The following WNK1 variants were observed in gnomAD, a reference collection of about 807,000 sequenced individuals.
The protein encoded by WNK1 is WNK lysine deficient protein kinase 1.
A neutral mutation model predicts 222.8 loss-of-function variants in WNK1; 38 were observed. That is an observed-to-expected ratio of 0.17 (90% CI 0.13 to 0.22). WNK1 has a LOEUF of 0.22. Ranked by LOEUF, WNK1 falls within the 10% of genes least tolerant of loss-of-function variation. The pLI is 1.00. For synonymous variants in WNK1, 1,090 were observed against 1,092.9 expected, an observed-to-expected ratio of 1.00 and a Z score of 0.05; for missense variants, 2,348 against 2,918.4, an observed-to-expected ratio of 0.80 and a Z score of 4.50.
intron 4 of WNK1, among the ~76,000 whole-genome samples, chr12:830,861 C>A (rs1461408550): frequency 6.6e-6 from 1 of 152,214 alleles, no homozygotes; most frequent in Non-Finnish European, 1.5e-5. Context: ...TCCATTGTTT[C>A]AAAAATGTCC....
intron 1 of WNK1, among the ~76,000 whole-genome samples, chr12:806,311 T>C (rs1007480051): frequency 2.0e-5 from 3 of 152,182 alleles, no homozygotes; most frequent in Non-Finnish European, 4.4e-5. Context: ...TGGGTTGTTT[T>C]TGGAAAGTAT....
chr12:785,865 A>G (rs969435909), intron 1 of WNK1, among the ~76,000 whole-genome samples: 1 of 152,162 alleles, frequency 6.6e-6, no homozygotes, highest in Non-Finnish European at 1.5e-5. Flanking sequence ...TGGGCACTGA[A>G]AACTGATAAA....
At chr12:860,418 A>T (rs1951115512) in intron 6 of WNK1, among the ~76,000 whole-genome samples, 1 of 152,250 alleles carries the variant, frequency 6.6e-6, no homozygotes, top group Non-Finnish European at 1.5e-5. Flanking sequence ...TTATGGAAAG[A>T]TAACTCAGAA....
Position 868,218 on chromosome 12 carries a change from A to G in WNK1, c.2140-3047A>G, listed in dbSNP as rs749154375. On this transcript the variant is annotated intron_variant, in intron 8 of 27. Transcript: ENST00000315939. ...GAACCATCTCAAGTTTACAGTGACTATAGACCTGGACTAGTACTTCCAGAA... is the reference window on the plus strand; with the variant it reads ...GAACCATCTCAAGTTTACAGTGACTGTAGACCTGGACTAGTACTTCCAGAA... The G allele has an allele frequency of 3.7e-6, 6 of 1,611,254 alleles. No individual in the cohort carries two copies. Among genetic ancestry groups the G allele is most frequent in the South Asian group, 1.1e-5 (1 of 90,822 alleles).
In WNK1 at chr12:827,357, T is replaced by G; in HGVS notation, c.1153+95T>G. 9.0e-7 allele frequency: 1 copy of G among 1,117,284 alleles called. No homozygotes were observed. Among genetic ancestry groups the G allele is most frequent in the East Asian group, 2.4e-5 (1 of 41,846 alleles). 69.2% of individuals were successfully genotyped at this position (1,117,284 alleles called of 1,614,324 possible). ...GTCAGAGTTTTAAGTGATATAAACC[T>G]TAAGAAATTCATAGCTTGAACTCAG... is the stretch of plus-strand genomic sequence containing the variant. On this transcript the variant is annotated intron_variant, in intron 3 of 27. Transcript: ENST00000315939. The surrounding 1 kb of genome is among the most constrained non-coding windows in gnomAD (Gnocchi z 4.6).
intron 2 of WNK1, among the ~76,000 whole-genome samples, chr12:824,189 G>A (rs868255704): frequency 1.3e-5 from 2 of 149,076 alleles, no homozygotes; most frequent in Admixed American, 6.7e-5. Flanking sequence ...GTGAGCCAGC[G>A]TCAGCCACTG....
intron 9 of WNK1, among the ~76,000 whole-genome samples, chr12:875,855 T>C (rs1952561496): frequency 6.6e-6 from 1 of 152,250 alleles, no homozygotes; most frequent in Admixed American, 6.5e-5. Context: ...TATGCAATCT[T>C]ATTTACGTGT....
At chr12:794,097 A>G (rs1264476678) in intron 1 of WNK1, among the ~76,000 whole-genome samples, 2 of 152,128 alleles carry the variant, frequency 1.3e-5, no homozygotes, top group Non-Finnish European at 2.9e-5. Flanking sequence ...TCAGCACTTC[A>G]TTTTTATGGT....
chr12:801,170 A>T (rs925843131), intron 1 of WNK1, among the ~76,000 whole-genome samples: 10 of 152,102 alleles, frequency 6.6e-5, no homozygotes, highest in Admixed American at 6.5e-4. Context: ...ATCTGGAGGG[A>T]AAGTGGGTAA....
chr12:894,455 C>A, intron 22 of WNK1, 107 bp from the exon 23 acceptor site: 1 of 940,990 alleles, frequency 1.1e-6, no homozygotes, highest in Non-Finnish European at 1.7e-6. Context: ...TTGCCTCTAA[C>A]AGCTTTCCTC....
chr12:885,984 C>T lies in WNK1; in HGVS notation c.5180C>T (p.Pro1727Leu). 3 of 1,591,636 alleles carry T rather than the reference C, an allele frequency of 1.9e-6. No individual in the cohort carries two copies. Among genetic ancestry groups the T allele is most frequent in the Non-Finnish European group, 2.6e-6 (3 of 1,170,446 alleles). Residue 1727 changes from proline (P) to leucine (L), a missense_variant, in exon 19 of 28, where the codon CCA becomes CTA. Transcript: ENST00000315939. ...PLGTVALPVTPVVTPGQVSTP... is the reference protein window; with the variant it reads ...PLGTVALPVTLVVTPGQVSTP... ...GGAACAGTTGCTTTGCCAGTTACACCAGTGGTCACACCTGGGCAAGTTTCT... is the reference window on the plus strand; with the variant it reads ...GGAACAGTTGCTTTGCCAGTTACACTAGTGGTCACACCTGGGCAAGTTTCT...
rs1301309438 is a variant in WNK1, at chr12:896,234, G to A, written c.5747G>A (p.Gly1916Asp). 4.3e-6 allele frequency: 7 copies of A among 1,614,062 alleles called. No homozygotes were observed. The highest frequency in any genetic ancestry group is 2.2e-5 in the South Asian group (2 of 91,088). Residue 1916 changes from glycine to aspartate, a missense_variant, in exon 24 of 28, where the codon GGT becomes GAT. By Grantham distance (94) the Gly-to-Asp change is moderately conservative (BLOSUM62 -1). This residue lies in a region of WNK1 where 1,144 missense variants were observed against 1,273.6 expected (regional missense o/e 0.90). Transcript: ENST00000315939. ...KPEPNGITIP[G>D]ISSDVPESAH... ...GAGCCGAATGGCATAACCATCCCTG[G>A]TATCTCTTCAGATGTGCCAGAGAGT...
intron 4 of WNK1, among the ~76,000 whole-genome samples, chr12:851,152 A>G (rs1410897347): frequency 6.6e-6 from 1 of 152,186 alleles, no homozygotes; most frequent in African/African-American, 2.4e-5. Flanking sequence ...TTGAACTGAG[A>G]ACCCAGCCCC....
rs968435436 is a variant in WNK1, at chr12:911,230, T to C, written c.*2438T>C. 5 of 398,430 alleles carry C rather than the reference T, an allele frequency of 1.3e-5. No homozygotes were observed. The highest frequency in any genetic ancestry group is 1.0e-4 in the African/African-American group (5 of 48,628). 24.7% of individuals were successfully genotyped at this position (398,430 alleles called of 1,614,324 possible). A position where few individuals can be genotyped will look rare whatever the true frequency, so the allele number is the denominator to read the frequency against. On this transcript the variant is annotated 3_prime_UTR_variant, in exon 28 of 28. Coordinates refer to ENST00000315939, the MANE Select transcript of WNK1 (RefSeq NM_018979.4). ...GTATCTTTTTCCACATTAAAAACTT[T>C]CTGAATTATAAATGTTTTCCTTACA...
intron 9 of WNK1, 190 bp from the exon 10 acceptor site, chr12:878,022 G>A: frequency 1.4e-6 from 1 of 689,792 alleles, no homozygotes; most frequent in Non-Finnish European, 2.4e-6. Context: ...TTTCCTGGTG[G>A]CACCATCACA....
At chr12:794,157 A>T (rs922970597) in intron 1 of WNK1, among the ~76,000 whole-genome samples, 2 of 152,186 alleles carry the variant, frequency 1.3e-5, no homozygotes, top group African/African-American at 4.8e-5. Flanking sequence ...TTTATTCATC[A>T]GTTGATTGAC....
At chr12:846,553 T>C (rs1468115170) in intron 4 of WNK1, among the ~76,000 whole-genome samples, 2 of 152,204 alleles carry the variant, frequency 1.3e-5, no homozygotes, top group Admixed American at 6.5e-5. Flanking sequence ...TCCAATGGGA[T>C]CATAGGGTAT....
intron 10 of WNK1, 104 bp from the exon 11 acceptor site, chr12:879,469 C>CTTTT: frequency 3.5e-6 from 2 of 564,204 alleles, no homozygotes; most frequent in South Asian, 2.7e-5. Context: ...TTTGTTTTTT[C>CTTTT]CTTCTTTTTG....
chr12:851,147 C>G (rs1950389180), intron 4 of WNK1, among the ~76,000 whole-genome samples: 1 of 152,186 alleles, frequency 6.6e-6, no homozygotes, highest in Non-Finnish European at 1.5e-5. Context: ...ATGGATTGAA[C>G]TGAGAACCCA....
Sources: allele counts gnomAD v4.1 joint callset (sites outside exome capture counted in the v4.1 genomes callset), GRCh38; gene constraint gnomAD v4.1.1; regional missense constraint gnomAD v4.1.1; non-coding constraint Gnocchi (gnomAD v3.1); transcripts MANE v1.5; gene names NCBI Gene and HGNC (gene_info 2026-07-23, HGNC 2026-07-21).